The following VSTM4 variants were observed in gnomAD, a reference collection of about 807,000 sequenced individuals.
VSTM4 encodes the protein V-set and transmembrane domain-containing protein 4.
Under a neutral mutation model 36.4 loss-of-function variants are expected in VSTM4, and 20 were observed. The ratio of observed to expected loss-of-function variants is 0.55; its 90% CI spans 0.39 to 0.80. The LOEUF is 0.80. VSTM4 is among the 30% of genes least tolerant of loss of function. VSTM4 has a pLI of 0.00. For synonymous variants in VSTM4, 182 were observed against 173.9 expected (o/e 1.05, Z -0.37); for missense variants, 392 against 404.5 (o/e 0.97, Z 0.26).
chr10:49,042,291 C>T (rs1590080100), intron 7 of VSTM4, among the ~76,000 whole-genome samples: 1 of 152,182 alleles, frequency 6.6e-6, no homozygotes, highest in Non-Finnish European at 1.5e-5. Flanking sequence ...CCTTTAAGAA[C>T]CATATGGTAT....
chr10:49,031,066 A>G (rs1176724336), intron 7 of VSTM4, among the ~76,000 whole-genome samples: 1 of 152,214 alleles, frequency 6.6e-6, no homozygotes, highest in Non-Finnish European at 1.5e-5. Flanking sequence ...ACTATTCAAG[A>G]GGATGCTTTT....
chr10:49,104,966 G>C (rs60509810), intron 2 of VSTM4, among the ~76,000 whole-genome samples: 42 of 151,650 alleles, frequency 2.8e-4, no homozygotes, highest in African/African-American at 9.9e-4. Flanking sequence ...GAGAGACAGA[G>C]AGACACAGAG....
intron 5 of VSTM4, among the ~76,000 whole-genome samples, chr10:49,061,504 T>C (rs1843877235): frequency 6.6e-6 from 1 of 152,192 alleles, no homozygotes. Context: ...ACCAAAACTA[T>C]AGATTTAGCT....
intron 2 of VSTM4, among the ~76,000 whole-genome samples, chr10:49,092,553 G>A (rs1844493986): frequency 6.6e-6 from 1 of 152,174 alleles, no homozygotes; most frequent in Non-Finnish European, 1.5e-5. Context: ...CGGGAGTGCT[G>A]GGAAGAGAAG....
chr10:49,114,135 A>G (rs1844946900), intron 1 of VSTM4, among the ~76,000 whole-genome samples: 1 of 151,856 alleles, frequency 6.6e-6, no homozygotes, highest in Admixed American at 6.6e-5. Context: ...ACTTCTCATC[A>G]TTTTTCCAGC....
chr10:49,107,601 T>A lies in VSTM4; in HGVS notation c.450A>T (p.Glu150Asp). Residue 150 changes from glutamate (E) to aspartate (D), a missense_variant, in exon 2 of 8, where the codon GAA becomes GAT. Glu to Asp is a conservative substitution (Grantham distance 45, BLOSUM62 2). Coordinates refer to ENST00000332853, the MANE Select transcript of VSTM4 (RefSeq NM_001031746.5). ...GGAGACCAAGACCCTCACCTCTCAT[T>A]TCCGTGGCTGAGGAGCCATTGGACC... The part of the protein sequence containing the change: ...TAWSNGSSAT[E>D]MRVISLKASE... 6.2e-7 allele frequency: 1 copy of A among 1,603,638 alleles called. No individual in the cohort carries two copies. The highest frequency in any genetic ancestry group is 8.5e-7 in the Non-Finnish European group (1 of 1,172,202).
At chr10:49,104,600 C>A (rs920320428) in intron 2 of VSTM4, among the ~76,000 whole-genome samples, 3 of 152,208 alleles carry the variant, frequency 2.0e-5, no homozygotes, top group African/African-American at 7.2e-5. Flanking sequence ...AAGATATGGT[C>A]ATTGCTTCCT....
At chr10:49,090,992 G>T (rs1235171814) in intron 2 of VSTM4, among the ~76,000 whole-genome samples, 1 of 140,096 alleles carries the variant, frequency 7.1e-6, no homozygotes, top group African/African-American at 2.5e-5. Flanking sequence ...TAGTCCCCAT[G>T]CTGGGGTGGG....
At position 49,017,850 on chromosome 10, in the gene VSTM4, T is replaced by C. The variant is rs1188577191; in HGVS notation, c.*1800A>G. 6.6e-6 allele frequency: 1 copy of C among 152,218 alleles called. No homozygotes were observed. Among genetic ancestry groups the C allele is most frequent in the Non-Finnish European group, 1.5e-5 (1 of 68,048 alleles). The allele number at this position is 152,218 out of a possible 1,614,324, so 9.4% of individuals were successfully genotyped here. A position where few individuals can be genotyped will look rare whatever the true frequency, so the allele number is the denominator to read the frequency against. On this transcript the variant is annotated 3_prime_UTR_variant, in exon 8 of 8. Coordinates refer to ENST00000332853, the MANE Select transcript of VSTM4 (RefSeq NM_001031746.5). ...ATGATAAAATTAAAAATCCCTGTGA[T>C]AATTATTATATAAATGGTGTGCTAA...
At chr10:49,043,954 A>G (rs1843560702) in intron 7 of VSTM4, among the ~76,000 whole-genome samples, 3 of 152,176 alleles carry the variant, frequency 2.0e-5, no homozygotes, top group Admixed American at 2.0e-4. Flanking sequence ...GCACATTTAA[A>G]CCTTCTGTCC....
At chr10:49,084,226 G>C (rs942721421) in intron 3 of VSTM4, among the ~76,000 whole-genome samples, 5 of 152,192 alleles carry the variant, frequency 3.3e-5, no homozygotes, top group Non-Finnish European at 7.3e-5. Context: ...CTCTTAATGA[G>C]AGGCTGAGTG....
At chr10:49,036,053 G>A (rs967736997) in intron 7 of VSTM4, among the ~76,000 whole-genome samples, 2 of 152,184 alleles carry the variant, frequency 1.3e-5, no homozygotes, top group African/African-American at 4.8e-5. Flanking sequence ...CCTGTGTCAA[G>A]GTTAACAGAC....
rs974531560 is a variant in VSTM4, at chr10:49,018,139, T to C, written c.*1511A>G. 2 of 152,236 alleles carry C rather than the reference T, an allele frequency of 1.3e-5. No homozygotes were observed. Among genetic ancestry groups the C allele is most frequent in the African/African-American group, 2.4e-5 (1 of 41,470 alleles). The allele number at this position is 152,236 out of a possible 1,614,324, so 9.4% of individuals were successfully genotyped here. A position where few individuals can be genotyped will look rare whatever the true frequency, so the allele number is the denominator to read the frequency against. ...AAACTCTCATGAGTCTTTGGGAACA[T>C]TACTGTAGGGCTAAGTTGGTGGACA... On this transcript the variant is annotated 3_prime_UTR_variant, in exon 8 of 8. Coordinates refer to ENST00000332853, the MANE Select transcript of VSTM4 (RefSeq NM_001031746.5).
Position 49,048,508 on chromosome 10 carries a change from G to A in VSTM4, c.745C>T (p.Pro249Ser). Residue 249 changes from proline to serine, a missense_variant, in exon 6 of 8, where the codon CCT (proline) becomes TCT (serine). Coordinates refer to ENST00000332853, the MANE Select transcript of VSTM4 (RefSeq NM_001031746.5). ...PKKGKRQKEK[P>S]DIPPAVPAKA... ...GCAGGGACTGCGGGAGGAATGTCAG[G>A]CTTCTCCTTCTGCCTCTTGCCCTTC... is the stretch of plus-strand genomic sequence containing the variant. 6.3e-7 allele frequency: 1 copy of A among 1,596,370 alleles called. No homozygotes were observed. Among genetic ancestry groups the A allele is most frequent in the African/African-American group, 1.4e-5 (1 of 73,756 alleles).
intron 7 of VSTM4, among the ~76,000 whole-genome samples, chr10:49,025,152 C>T (rs375137564): frequency 2.0e-5 from 3 of 152,046 alleles, no homozygotes; most frequent in Admixed American, 6.5e-5. Context: ...CTCAGACTTC[C>T]GGCCTCCACA....
chr10:49,097,614 G>A (rs1459545042), intron 2 of VSTM4, among the ~76,000 whole-genome samples: 1 of 152,218 alleles, frequency 6.6e-6, no homozygotes, highest in Non-Finnish European at 1.5e-5. Flanking sequence ...CAGCAGCACT[G>A]AGCATGCAGG....
At chr10:49,039,306 C>A (rs1313077199) in intron 7 of VSTM4, among the ~76,000 whole-genome samples, 1 of 151,938 alleles carries the variant, frequency 6.6e-6, no homozygotes, top group African/African-American at 2.4e-5. Context: ...GGAGCGCAGG[C>A]AGATTATGAC....
At chr10:49,035,802 C>T (rs1843421125) in intron 7 of VSTM4, among the ~76,000 whole-genome samples, 1 of 151,996 alleles carries the variant, frequency 6.6e-6, no homozygotes, top group Non-Finnish European at 1.5e-5. Context: ...TGCCATTGCA[C>T]TCCAGCCTGG....
Position 49,047,193 on chromosome 10 carries a change from C to T in VSTM4, c.776-149G>A, listed in dbSNP as rs1026883876. 8.7e-6 allele frequency: 7 copies of T among 809,242 alleles called. No individual in the cohort carries two copies. The East Asian group carries it at 9.8e-5, about 11-fold the overall frequency. 50.1% of individuals were successfully genotyped at this position (809,242 alleles called of 1,614,324 possible). A position where few individuals can be genotyped will look rare whatever the true frequency, so the allele number is the denominator to read the frequency against. The stretch of plus-strand genomic sequence containing the variant: ...TTTCTGATCTAGGTGTCAGCAAGTG[C>T]CCCTCGGCGGGCGTGATCCTCCCCT... On this transcript the variant is annotated intron_variant, in intron 6 of 7. Transcript: ENST00000332853.
Sources: gnomAD v4.1 joint callset for allele counts (sites outside exome capture counted in the v4.1 genomes callset) on GRCh38, gnomAD v4.1.1 for gene constraint, MANE v1.5 for transcripts, NCBI Gene and HGNC (gene_info 2026-07-23, HGNC 2026-07-21) for gene names.